DENND1B: variants seen among roughly 807,000 people sequenced by gnomAD.
DENND1B encodes the protein DENN domain-containing protein 1B.
DENND1B carries 59 observed loss-of-function variants against 90.1 expected under a neutral mutation model. That is an observed-to-expected ratio of 0.65 (90% CI 0.53 to 0.81). The LOEUF is 0.81. DENND1B is among the 40% of genes least tolerant of loss of function. The probability of loss-of-function intolerance (pLI) is 0.00; values close to 1 mark genes in which losing one functional copy is unlikely to be tolerated. For missense variants in DENND1B, 862 were observed against 912.6 expected (o/e 0.94, Z 0.71); for synonymous variants, 337 against 324.6 (o/e 1.04, Z -0.41).
intron 5 of DENND1B, among the ~76,000 whole-genome samples, chr1:197,659,336 T>C (rs1483236915): frequency 3.3e-5 from 5 of 151,870 alleles, no homozygotes; most frequent in Admixed American, 3.3e-4. Flanking sequence ...TGTTAGTGAC[T>C]ATGAATGATG....
Position 197,606,906 on chromosome 1 carries a change from C to T in DENND1B, c.921+167G>A, listed in dbSNP as rs1009727852. 6.8e-5 allele frequency: 39 copies of T among 573,640 alleles called. No homozygotes were observed. The South Asian group carries it at 8.9e-4, about 13-fold the overall frequency. 35.5% of individuals were successfully genotyped at this position (573,640 alleles called of 1,614,324 possible). A position where few individuals can be genotyped will look rare whatever the true frequency, so the allele number is the denominator to read the frequency against. ...GATGTTCCATTCAAAATCTCAACTG[C>T]TAAAAGGTAAAAATATTAAATATAG... On this transcript the variant is annotated intron_variant, in intron 13 of 22. Transcript: ENST00000620048.
At chr1:197,645,331 TCCA>T (rs994158604) in intron 9 of DENND1B, among the ~76,000 whole-genome samples, 2 of 152,064 alleles carry the variant, frequency 1.3e-5, no homozygotes, top group African/African-American at 4.8e-5. Flanking sequence ...AGAATTCTTC[TCCA>T]CAAGTAGAAG....
chr1:197,639,962 G>A (rs918420975), intron 10 of DENND1B, among the ~76,000 whole-genome samples: 2 of 152,090 alleles, frequency 1.3e-5, no homozygotes, highest in Admixed American at 6.6e-5. Flanking sequence ...GTCCCAGAGA[G>A]TGAACCAAAA....
At chr1:197,637,160 A>G (rs1004439638) in intron 10 of DENND1B, among the ~76,000 whole-genome samples, 3 of 152,172 alleles carry the variant, frequency 2.0e-5, no homozygotes, top group Non-Finnish European at 4.4e-5. Context: ...TGTTGATTAC[A>G]CTATCAGCAC....
At chr1:197,518,856 T>C (rs887309843) in intron 20 of DENND1B, among the ~76,000 whole-genome samples, 5 of 151,862 alleles carry the variant, frequency 3.3e-5, no homozygotes, top group Admixed American at 3.3e-4. Context: ...TCGGGAAAAC[T>C]GTGAAAGACT....
chr1:197,663,043 T>C (rs531957719), intron 5 of DENND1B, among the ~76,000 whole-genome samples: 1 of 152,220 alleles, frequency 6.6e-6, no homozygotes, highest in East Asian at 1.9e-4. Flanking sequence ...GAAAAGGATA[T>C]GGCCTGCAAA....
rs188471464 is a variant in DENND1B at position 197,749,240 on chromosome 1, A to G, written c.82+23628T>C. ...ACAGAAAAACAGCTTCAATAAAATA[A>G]TGTTCAAAACTTTTCTGAATATGTA... is the stretch of plus-strand genomic sequence containing the variant. On this transcript the variant is annotated intron_variant, in intron 2 of 22. Transcript: ENST00000620048. 9.7e-4 allele frequency among the ~76,000 whole-genome samples: 148 copies of G among 152,286 alleles called. 1 individual carries two copies. The highest frequency in any genetic ancestry group is 3.5e-3 in the African/African-American group (144 of 41,576).
chr1:197,546,831 C>A, intron 16 of DENND1B, 58 bp from the exon 17 acceptor site: 3 of 1,453,402 alleles, frequency 2.1e-6, no homozygotes, highest in East Asian at 2.5e-5. Flanking sequence ...ATCTGTAAAC[C>A]AAAATTTATC....
chr1:197,617,833 A>G, intron 10 of DENND1B, 74 bp from the exon 11 acceptor site: 1 of 935,792 alleles, frequency 1.1e-6, no homozygotes, highest in Non-Finnish European at 1.7e-6. Context: ...TCAATGTATC[A>G]ACAATGAACA....
chr1:197,549,715 C>G (rs1671076670), intron 16 of DENND1B, among the ~76,000 whole-genome samples: 1 of 152,148 alleles, frequency 6.6e-6, no homozygotes, highest in African/African-American at 2.4e-5. Flanking sequence ...CTTCCCTTCA[C>G]ACATTCCTTT....
chr1:197,633,398 G>A (rs953847650), intron 10 of DENND1B, among the ~76,000 whole-genome samples: 4 of 152,126 alleles, frequency 2.6e-5, no homozygotes, highest in African/African-American at 9.7e-5. Flanking sequence ...TCTGGACTCT[G>A]GATATTTTTC....
intron 5 of DENND1B, among the ~76,000 whole-genome samples, chr1:197,663,609 C>T (rs967360001): frequency 2.6e-5 from 4 of 152,072 alleles, no homozygotes; most frequent in African/African-American, 9.7e-5. Flanking sequence ...CTTCTTGTTT[C>T]TCTTAAAAGT....
chr1:197,616,209 T>C (rs74503979), intron 11 of DENND1B, among the ~76,000 whole-genome samples: 509 of 151,024 alleles, frequency 3.4e-3, no homozygotes, highest in Non-Finnish European at 5.9e-3. Context: ...TATTTCCAAA[T>C]ACTGCTGTAA....
chr1:197,778,097 C>T (rs1657344142), upstream of DENND1B, among the ~76,000 whole-genome samples: 1 of 152,142 alleles, frequency 6.6e-6, no homozygotes, highest in Admixed American at 6.5e-5. Flanking sequence ...ATAATATACA[C>T]ATCAGTTTAT....
At chr1:197,760,013 T>C (rs1654821956) in intron 2 of DENND1B, among the ~76,000 whole-genome samples, 1 of 152,190 alleles carries the variant, frequency 6.6e-6, no homozygotes, top group African/African-American at 2.4e-5. Flanking sequence ...TTAAATTATA[T>C]GTTTAGTCTG....
At chr1:197,544,876 TGAAGAG>T (rs1162516981) in intron 18 of DENND1B, among the ~76,000 whole-genome samples, 237 of 23,166 alleles carry the variant, frequency 0.01, no homozygotes, top group Non-Finnish European at 0.017. Context: ...GAGAAGGAGA[TGAAGAG>T]GAAGAGGAAG....
intron 20 of DENND1B, among the ~76,000 whole-genome samples, chr1:197,518,256 C>T (rs1668538625): frequency 1.3e-5 from 2 of 151,916 alleles, no homozygotes; most frequent in South Asian, 4.1e-4. Context: ...TAGTGCTCTG[C>T]ATCTTTCATT....
At chr1:197,553,212 A>G (rs1671397695) in intron 15 of DENND1B, 100 bp from the exon 16 acceptor site, 4 of 895,904 alleles carry the variant, frequency 4.5e-6, no homozygotes, top group Admixed American at 3.5e-5. Flanking sequence ...CTTACATCAA[A>G]AACATTAATA....
chr1:197,657,200 G>A (rs1273068477), intron 6 of DENND1B, among the ~76,000 whole-genome samples: 1 of 152,148 alleles, frequency 6.6e-6, no homozygotes, highest in Non-Finnish European at 1.5e-5. Context: ...TTGAATATAT[G>A]AAGGACTCTT....
Sources: gnomAD v4.1 joint callset for allele counts (sites outside exome capture counted in the v4.1 genomes callset) on GRCh38, gnomAD v4.1.1 for gene constraint, MANE v1.5 for transcripts, NCBI Gene and HGNC (gene_info 2026-07-23, HGNC 2026-07-21) for gene names.